NRG3: variants seen among roughly 807,000 people sequenced by gnomAD.
NRG3 encodes pro-neuregulin-3, membrane-bound isoform.
A neutral mutation model predicts 66.9 loss-of-function variants in NRG3; 31 were observed. The observed-to-expected ratio is 0.46, with a 90% CI of 0.35 to 0.63. The LOEUF (loss-of-function observed/expected upper bound fraction) is 0.63, where lower values mean the gene tolerates loss of function less well. NRG3 is among the 20% of genes least tolerant of loss of function. NRG3 has a pLI of 0.00. For synonymous variants in NRG3, 393 were observed against 359.4 expected (o/e 1.09, Z -1.06); for missense variants, 910 against 878.9 (o/e 1.04, Z -0.45).
At chr10:82,626,173 A>T (rs1039783968) in intron 2 of NRG3, among the ~76,000 whole-genome samples, 2 of 152,200 alleles carry the variant, frequency 1.3e-5, no homozygotes, top group African/African-American at 4.8e-5. Context: ...GTTGTGAATC[A>T]GCTAATTAAC....
intron 1 of NRG3, among the ~76,000 whole-genome samples, chr10:82,034,711 C>T (rs1240129729): frequency 6.6e-6 from 1 of 152,102 alleles, no homozygotes; most frequent in Non-Finnish European, 1.5e-5. Context: ...CCTTGTCAGT[C>T]ACCACCTTCT....
At chr10:81,911,347 G>A (rs1290418132) in intron 1 of NRG3, among the ~76,000 whole-genome samples, 1 of 152,066 alleles carries the variant, frequency 6.6e-6, no homozygotes, top group African/African-American at 2.4e-5. Flanking sequence ...CTGCTATGGT[G>A]CAAAGCCTAG....
chr10:82,732,681 A>C (rs938660838), intron 2 of NRG3, among the ~76,000 whole-genome samples: 1 of 152,180 alleles, frequency 6.6e-6, no homozygotes, highest in Admixed American at 6.5e-5. Flanking sequence ...TGTATCATTT[A>C]CTCCTAATAA....
chr10:82,216,909 T>A (rs1589352430), intron 1 of NRG3, among the ~76,000 whole-genome samples: 1 of 152,140 alleles, frequency 6.6e-6, no homozygotes, highest in Admixed American at 6.6e-5. Context: ...AAATATCAGG[T>A]TGTCTGATCT....
intron 3 of NRG3, among the ~76,000 whole-genome samples, chr10:82,778,594 A>C (rs2059997488): frequency 6.6e-6 from 1 of 152,158 alleles, no homozygotes; most frequent in Non-Finnish European, 1.5e-5. Flanking sequence ...CCCTTGACAC[A>C]TGAGGATTAC....
At chr10:81,892,938 A>G (rs893879907) in intron 1 of NRG3, among the ~76,000 whole-genome samples, 1 of 152,198 alleles carries the variant, frequency 6.6e-6, no homozygotes, top group African/African-American at 2.4e-5. Context: ...ATCCATAAAT[A>G]TATGCACCTA....
At chr10:82,110,943 T>A in intron 1 of NRG3, among the ~76,000 whole-genome samples, 1 of 152,186 alleles carries the variant, frequency 6.6e-6, no homozygotes, top group East Asian at 1.9e-4. Context: ...AAAAAAGTGC[T>A]GCTTTCAAAG....
chr10:81,924,544 C>T (rs1441731278), intron 1 of NRG3, among the ~76,000 whole-genome samples: 2 of 152,144 alleles, frequency 1.3e-5, no homozygotes, highest in African/African-American at 4.8e-5. Flanking sequence ...TGAGTTACAC[C>T]AGGGAGTTCA....
At chr10:82,044,373 C>G (rs1490450761) in intron 1 of NRG3, among the ~76,000 whole-genome samples, 1 of 151,896 alleles carries the variant, frequency 6.6e-6, no homozygotes, top group Non-Finnish European at 1.5e-5. Context: ...CCCACATACC[C>G]ACACTCACTC....
At chr10:82,776,508 T>G (rs1473691207) in intron 3 of NRG3, among the ~76,000 whole-genome samples, 1 of 152,166 alleles carries the variant, frequency 6.6e-6, no homozygotes, top group Non-Finnish European at 1.5e-5. Context: ...TTTTGTCAAA[T>G]AAGCTTTATG....
At position 82,116,294 on chromosome 10, in the gene NRG3, A is replaced by G. The variant is rs556745522; in HGVS notation, c.823+240131A>G. 5.9e-5 allele frequency among the ~76,000 whole-genome samples: 9 copies of G among 152,270 alleles called. No individual in the cohort carries two copies. In the South Asian group the frequency reaches 1.9e-3, roughly 32 times the overall value. On this transcript the variant is annotated intron_variant, in intron 1 of 8. Transcript: ENST00000372141. Reference sequence around the variant, plus strand: ...ACCCTTAAAAGGAGGGAAGGAGGGCATCTTTAATAGCCAAGCTTAAAATTA... The same window carrying G: ...ACCCTTAAAAGGAGGGAAGGAGGGCGTCTTTAATAGCCAAGCTTAAAATTA...
intron 4 of NRG3, among the ~76,000 whole-genome samples, chr10:82,890,064 A>T (rs1252213199): frequency 6.6e-6 from 1 of 151,770 alleles, no homozygotes; most frequent in African/African-American, 2.4e-5. Flanking sequence ...CTCTATTCTC[A>T]TGCTACTTGG....
At chr10:82,131,604 A>G (rs559026559) in intron 1 of NRG3, among the ~76,000 whole-genome samples, 140 of 152,188 alleles carry the variant, frequency 9.2e-4, no homozygotes, top group African/African-American at 3.1e-3. Flanking sequence ...TAGGTGTTCT[A>G]TCAAATCTGT....
chr10:82,904,902 CAG>C (rs1464598651), intron 4 of NRG3, among the ~76,000 whole-genome samples: 2 of 152,110 alleles, frequency 1.3e-5, no homozygotes, highest in Non-Finnish European at 2.9e-5. Context: ...TTAATTCTAA[CAG>C]AAACAAAATG....
At chr10:82,375,812 G>A (rs1204909609) in intron 2 of NRG3, among the ~76,000 whole-genome samples, 1 of 152,130 alleles carries the variant, frequency 6.6e-6, no homozygotes, top group Non-Finnish European at 1.5e-5. Context: ...CTAAATTCAG[G>A]TGAAGAAACA....
intron 2 of NRG3, among the ~76,000 whole-genome samples, chr10:82,729,994 A>G (rs183930478): frequency 2.6e-5 from 4 of 152,254 alleles, no homozygotes; most frequent in East Asian, 3.9e-4. Context: ...CGTAAAAACC[A>G]TAGCAATTTT....
intron 1 of NRG3, among the ~76,000 whole-genome samples, chr10:82,346,312 A>G (rs565665922): frequency 1.3e-5 from 2 of 149,400 alleles, no homozygotes; most frequent in East Asian, 2.0e-4. Context: ...TTCTGCATCT[A>G]TTGAGATAAT....
intron 1 of NRG3, among the ~76,000 whole-genome samples, chr10:82,240,997 AG>A (rs2076984877): frequency 6.6e-6 from 1 of 152,148 alleles, no homozygotes; most frequent in Non-Finnish European, 1.5e-5. Flanking sequence ...GCAAGAGGAA[AG>A]GTTCTTTTTA....
At chr10:82,335,181 G>T (rs1321213123) in intron 1 of NRG3, among the ~76,000 whole-genome samples, 3 of 152,156 alleles carry the variant, frequency 2.0e-5, no homozygotes, top group Non-Finnish European at 4.4e-5. Flanking sequence ...CTCAAATCTT[G>T]TTAATGAATT....
Sources: gnomAD v4.1 joint callset for allele counts (sites outside exome capture counted in the v4.1 genomes callset) on GRCh38, gnomAD v4.1.1 for gene constraint, MANE v1.5 for transcripts, NCBI Gene and HGNC (gene_info 2026-07-23, HGNC 2026-07-21) for gene names.